Variants in ANKS6 observed in about 807,000 individuals in gnomAD.
ANKS6 encodes the protein ankyrin repeat and sterile alpha motif domain containing 6.
In ANKS6, 47 loss-of-function variants were observed where a neutral mutation model predicts 77.9. The observed-to-expected ratio is 0.60, with a 90% CI of 0.48 to 0.77. The LOEUF (loss-of-function observed/expected upper bound fraction) is 0.77, where lower values mean the gene tolerates loss of function less well. Ranked by LOEUF, ANKS6 falls within the 30% of genes least tolerant of loss-of-function variation. The pLI is 0.00. For synonymous variants in ANKS6, 488 were observed against 501.7 expected, an observed-to-expected ratio of 0.97 and a Z score of 0.37; for missense variants, 1,150 against 1,159.1, an observed-to-expected ratio of 0.99 and a Z score of 0.11.
At chr9:98,770,825 T>C in intron 10 of ANKS6, 71 bp downstream of exon 10, 1 of 1,280,000 alleles carries the variant, frequency 7.8e-7, no homozygotes, top group Non-Finnish European at 1.0e-6. Flanking sequence ...AACCTGAATA[T>C]CCAGGCAGTG....
intron 14 of ANKS6, among the ~76,000 whole-genome samples, chr9:98,744,576 T>A (rs1457440851): frequency 6.6e-6 from 1 of 152,208 alleles, no homozygotes; most frequent in Non-Finnish European, 1.5e-5. Flanking sequence ...AAATATTTAT[T>A]TGCTGCTGGT....
chr9:98,771,986 C>G (rs1451492483), intron 9 of ANKS6, among the ~76,000 whole-genome samples: 1 of 152,188 alleles, frequency 6.6e-6, no homozygotes, highest in East Asian at 1.9e-4. Flanking sequence ...TGCTATATGC[C>G]TAGTACCCAG....
intron 14 of ANKS6, 117 bp from the exon 15 acceptor site, chr9:98,736,740 G>C (rs1564169405): frequency 2.3e-6 from 3 of 1,303,872 alleles, no homozygotes; most frequent in Non-Finnish European, 3.2e-6. Flanking sequence ...TGGGCGTCTT[G>C]GGGAAAATAA....
chr9:98,736,000 A>AC lies in ANKS6; in HGVS notation c.*518dup, dbSNP rs949400809. ...AGGCTAACCTCTCACCATAATACAT[A>AC]CCCCCCATCTAAGTCAAAAGTTGTT... On this transcript the variant is annotated 3_prime_UTR_variant, in exon 15 of 15. Transcript: ENST00000353234. The AC allele has an allele frequency of 1.6e-6, 2 of 1,219,290 alleles. No individual in the cohort carries two copies. The highest frequency in any genetic ancestry group is 2.0e-6 in the Non-Finnish European group (2 of 980,676). 75.5% of individuals were successfully genotyped at this position (1,219,290 alleles called of 1,614,324 possible).
chr9:98,770,232 C>T (rs762298476), intron 10 of ANKS6, among the ~76,000 whole-genome samples: 10 of 152,172 alleles, frequency 6.6e-5, no homozygotes, highest in Non-Finnish European at 1.3e-4. Flanking sequence ...CCCTGTGCCA[C>T]GTAAGATGTG....
intron 2 of ANKS6, among the ~76,000 whole-genome samples, chr9:98,789,235 C>T (rs1401888588): frequency 6.6e-6 from 1 of 151,988 alleles, no homozygotes; most frequent in East Asian, 1.9e-4. Context: ...TGCAGCCCAC[C>T]TACTGTTACT....
intron 13 of ANKS6, among the ~76,000 whole-genome samples, chr9:98,749,879 T>C (rs988290335): frequency 2.0e-5 from 3 of 152,200 alleles, no homozygotes; most frequent in Non-Finnish European, 4.4e-5. Context: ...ATGATTGCTC[T>C]GCAATTGTGT....
At chr9:98,790,631 G>T in intron 1 of ANKS6, 25 bp from the exon 2 acceptor site, 1 of 1,587,508 alleles carries the variant, frequency 6.3e-7, no homozygotes, top group South Asian at 1.1e-5. Context: ...GAGAATTAGT[G>T]ACACTGAACA....
Position 98,745,683 on chromosome 9 carries a change from G to A in ANKS6, c.2395-8C>T. 3 of 1,608,600 alleles carry A rather than the reference G, an allele frequency of 1.9e-6. No homozygotes were observed. The highest frequency in any genetic ancestry group is 2.6e-6 in the Non-Finnish European group (3 of 1,174,980). ...GAACGCTTCCATGTCCACCTGGGGA[G>A]AGAGAGGGGATTTGCCACCATCTGC... On this transcript the variant is annotated splice_polypyrimidine_tract_variant and splice_region_variant and intron_variant, in intron 13 of 14. Coordinates refer to ENST00000353234, the MANE Select transcript of ANKS6 (RefSeq NM_173551.5).
At position 98,732,991 on chromosome 9, in the gene ANKS6, G is replaced by A. The variant is rs74820730; in HGVS notation, c.*3528C>T. ...CCACTCCATCTCTCTCCTCTGGGGC[G>A]TGCCCAGGCTGAGCCTGAGCCATCA... On this transcript the variant is annotated 3_prime_UTR_variant, in exon 15 of 15. Transcript: ENST00000353234. The A allele has an allele frequency of 1.2e-3, 1,189 of 977,118 alleles. 14 individuals carry two copies. The African/African-American group carries it at 0.018, about 15-fold the overall frequency. 60.5% of individuals were successfully genotyped at this position (977,118 alleles called of 1,614,324 possible).
At chr9:98,756,626 T>C (rs1832723305) in intron 11 of ANKS6, 23 bp from the exon 12 acceptor site, 3 of 1,474,034 alleles carry the variant, frequency 2.0e-6, no homozygotes, top group South Asian at 1.5e-5. Flanking sequence ...GTAAGACAAA[T>C]ACATAAGCCA....
Position 98,774,679 on chromosome 9 carries a change from G to A in ANKS6, c.1618-599C>T, listed in dbSNP as rs190999718. On this transcript the variant is annotated intron_variant, in intron 8 of 14. Coordinates refer to ENST00000353234, the MANE Select transcript of ANKS6 (RefSeq NM_173551.5). ...GCCCCCCACATCCCAGCTTGCTCCA[G>A]CCACGCCTCCTGCTGCTGACATTTA... Among the ~76,000 whole-genome samples the A allele has an allele frequency of 4.3e-3, 662 of 152,308 alleles. 4 individuals are homozygous for A. Among genetic ancestry groups the A allele is most frequent in the Admixed American group, 7.1e-3 (109 of 15,308 alleles).
At chr9:98,757,658 G>A (rs541302561) in intron 11 of ANKS6, among the ~76,000 whole-genome samples, 4 of 152,338 alleles carry the variant, frequency 2.6e-5, no homozygotes, top group Non-Finnish European at 5.9e-5. Context: ...GCTGGGCATG[G>A]TGGCTCATGC....
intron 11 of ANKS6, among the ~76,000 whole-genome samples, chr9:98,759,140 C>G (rs760255873): frequency 6.6e-6 from 1 of 152,014 alleles, no homozygotes; most frequent in Non-Finnish European, 1.5e-5. Context: ...ATGTATCCAC[C>G]AAGAGGGTAC....
chr9:98,761,314 G>C (rs1213228314), intron 11 of ANKS6, among the ~76,000 whole-genome samples: 3 of 152,266 alleles, frequency 2.0e-5, no homozygotes, highest in African/African-American at 7.2e-5. Flanking sequence ...CTGTAGCCCA[G>C]GCTGGAATGC....
intron 12 of ANKS6, among the ~76,000 whole-genome samples, chr9:98,754,256 G>T (rs942535388): frequency 6.6e-6 from 1 of 152,212 alleles, no homozygotes. Context: ...GTGGAGTCCA[G>T]AGAGGAGGAA....
Position 98,735,931 on chromosome 9 carries a change from C to A in ANKS6, c.*588G>T. On this transcript the variant is annotated 3_prime_UTR_variant, in exon 15 of 15. Coordinates refer to ENST00000353234, the MANE Select transcript of ANKS6 (RefSeq NM_173551.5). The stretch of plus-strand genomic sequence containing the variant: ...GACTTCATCTGAGAGGTGACTTGGA[C>A]TAGGAGGGGCAAGTTAGAAGTTTTA... 1 of 1,230,882 alleles carries A rather than the reference C, an allele frequency of 8.1e-7. No homozygotes were observed. The highest frequency in any genetic ancestry group is 3.1e-4 in the Middle Eastern group (1 of 3,196). 76.2% of individuals were successfully genotyped at this position (1,230,882 alleles called of 1,614,324 possible).
chr9:98,753,952 A>T (rs1309319564), intron 12 of ANKS6, among the ~76,000 whole-genome samples: 1 of 152,228 alleles, frequency 6.6e-6, no homozygotes, highest in African/African-American at 2.4e-5. Flanking sequence ...GGCATGTCCT[A>T]TAAACTGAAC....
rs1831523219 is a variant in ANKS6, at chr9:98,736,767, A to C, written c.2512-144T>G. 4.7e-6 allele frequency: 5 copies of C among 1,058,026 alleles called. No homozygotes were observed. In the South Asian group the frequency reaches 7.3e-5, roughly 16 times the overall value. 65.5% of individuals were successfully genotyped at this position (1,058,026 alleles called of 1,614,324 possible). On this transcript the variant is annotated intron_variant, in intron 14 of 14. Transcript: ENST00000353234. The stretch of plus-strand genomic sequence containing the variant: ...GGAAAATAAATTACCTAACTGAAAG[A>C]GTACCGAGTTCAATAAAAACATACT...
Sources: gnomAD v4.1 joint callset for allele counts (sites outside exome capture counted in the v4.1 genomes callset) on GRCh38, gnomAD v4.1.1 for gene constraint, MANE v1.5 for transcripts, NCBI Gene and HGNC (gene_info 2026-07-23, HGNC 2026-07-21) for gene names.